Variants in ALK observed in about 807,000 individuals in gnomAD.
The protein encoded by ALK is ALK receptor tyrosine kinase, also known as ALK tyrosine kinase receptor.
A neutral mutation model predicts 163.1 loss-of-function variants in ALK; 74 were observed. The ratio of observed to expected loss-of-function variants is 0.45; its 90% CI spans 0.38 to 0.55. ALK has a LOEUF of 0.55. Among genes scored for constraint, ALK ranks in the 20% least tolerant of loss-of-function variants. ALK has a pLI of 0.00. For missense variants in ALK, 2,063 were observed against 2,105.3 expected (o/e 0.98, Z 0.39); for synonymous variants, 960 against 843.2 (o/e 1.14, Z -2.40).
At chr2:29,904,324 AC>A (rs1667484160) in intron 1 of ALK, among the ~76,000 whole-genome samples, 1 of 152,188 alleles carries the variant, frequency 6.6e-6, no homozygotes, top group Non-Finnish European at 1.5e-5. Context: ...TTTTCTGGTA[AC>A]TTTCACTCTT....
At chr2:29,407,496 C>T (rs181744336) in intron 4 of ALK, among the ~76,000 whole-genome samples, 9 of 152,324 alleles carry the variant, frequency 5.9e-5, no homozygotes, top group Admixed American at 3.3e-4. Context: ...TCACACAGCT[C>T]GTAATAGAGG....
intron 2 of ALK, among the ~76,000 whole-genome samples, chr2:29,717,294 G>A (rs1442953220): frequency 6.6e-6 from 1 of 152,064 alleles, no homozygotes; most frequent in East Asian, 1.9e-4. Context: ...ATTGATAAGG[G>A]GATGGCTGGA....
chr2:29,750,685 AAGGAAGGAAGGAAGGC>A (rs1419891497), intron 1 of ALK, among the ~76,000 whole-genome samples: 46 of 122,784 alleles, frequency 3.7e-4, no homozygotes, highest in African/African-American at 1.4e-3. Flanking sequence ...GGAAGGAAGG[AAGGAAGGAAGGAAGGC>A]AGGCAGGCAG....
At chr2:29,919,407 C>A (rs1273905585) in intron 1 of ALK, among the ~76,000 whole-genome samples, 1 of 132,760 alleles carries the variant, frequency 7.5e-6, no homozygotes, top group Non-Finnish European at 1.5e-5. Flanking sequence ...AAGGATGAGT[C>A]GAGAGTGCAT....
chr2:29,571,762 G>A (rs1257865161), intron 3 of ALK, among the ~76,000 whole-genome samples: 3 of 151,786 alleles, frequency 2.0e-5, no homozygotes, highest in South Asian at 2.1e-4. Flanking sequence ...GACTACAGGT[G>A]TGCACCACCG....
At chr2:29,521,126 G>C (rs551101383) in intron 4 of ALK, among the ~76,000 whole-genome samples, 1 of 152,298 alleles carries the variant, frequency 6.6e-6, no homozygotes, top group South Asian at 2.1e-4. Context: ...AAAGCAGCAT[G>C]GCCCACAGGT....
At chr2:29,845,063 G>T (rs1446447116) in intron 1 of ALK, among the ~76,000 whole-genome samples, 1 of 152,200 alleles carries the variant, frequency 6.6e-6, no homozygotes, top group Non-Finnish European at 1.5e-5. Flanking sequence ...GGTTATGGAT[G>T]TGAGTTTACT....
intron 13 of ALK, among the ~76,000 whole-genome samples, chr2:29,236,353 C>A (rs1664381226): frequency 6.6e-6 from 1 of 152,158 alleles, no homozygotes; most frequent in Non-Finnish European, 1.5e-5. Context: ...GTGATGCCCT[C>A]CCCTCATGAA....
chr2:29,659,869 T>C (rs768285656), intron 3 of ALK, among the ~76,000 whole-genome samples: 1 of 152,122 alleles, frequency 6.6e-6, no homozygotes, highest in Non-Finnish European at 1.5e-5. Context: ...TCTGCTGTAC[T>C]TTACCTTCTT....
intron 3 of ALK, among the ~76,000 whole-genome samples, chr2:29,637,161 A>G (rs1676558194): frequency 6.6e-6 from 1 of 152,222 alleles, no homozygotes; most frequent in African/African-American, 2.4e-5. Flanking sequence ...TTTATTCATA[A>G]TGGTCCCAAA....
At chr2:29,542,318 A>G (rs76771847) in intron 3 of ALK, among the ~76,000 whole-genome samples, 24,952 of 152,018 alleles carry the variant, frequency 0.16, 2,427 homozygotes, top group South Asian at 0.22. Context: ...TACTCCTTGA[A>G]AAAATTACTC....
chr2:29,782,560 G>C (rs1663863992), intron 1 of ALK, among the ~76,000 whole-genome samples: 1 of 152,164 alleles, frequency 6.6e-6, no homozygotes, highest in Admixed American at 6.5e-5. Flanking sequence ...GATCCCCTCT[G>C]GCGTCAGAAC....
chr2:29,888,843 T>C (rs1293702959), intron 1 of ALK, among the ~76,000 whole-genome samples: 1 of 152,230 alleles, frequency 6.6e-6, no homozygotes, highest in African/African-American at 2.4e-5. Context: ...AAAAATGTTG[T>C]TACCGTAACA....
In ALK at chr2:29,207,270, G is replaced by C. The variant is rs74716434; in HGVS notation, c.3839C>G (p.Ala1280Gly). ...DFGMARDIYR[A>G]SYYRKGGCAM... is the part of the protein sequence containing the mutation. ...ACAGCCTCCCTTTCTATAGTAGCTCGCCCTGTGGGGAAGGAGAGGAAAACC... is the reference window on the plus strand; with the variant it reads ...ACAGCCTCCCTTTCTATAGTAGCTCCCCCTGTGGGGAAGGAGAGGAAAACC... The change falls in exon 26 of 29, where the codon GCG becomes GGG. Residue 1280 changes from alanine to glycine, a missense_variant and splice_region_variant. Ala to Gly is a moderately conservative substitution (Grantham distance 60, BLOSUM62 0). This residue lies in a region of ALK where 83 missense variants were observed against 139.7 expected (regional missense o/e 0.59). Coordinates refer to ENST00000389048, the MANE Select transcript of ALK (RefSeq NM_004304.5). 1 of 1,613,720 alleles carries C rather than the reference G, an allele frequency of 6.2e-7. No homozygotes were observed. Among genetic ancestry groups the C allele is most frequent in the Non-Finnish European group, 8.5e-7 (1 of 1,179,632 alleles).
At chr2:29,398,374 C>A (rs951496731) in intron 4 of ALK, among the ~76,000 whole-genome samples, 2 of 152,100 alleles carry the variant, frequency 1.3e-5, no homozygotes, top group African/African-American at 2.4e-5. Context: ...GATAAGGGCT[C>A]GGCCATCTCC....
At chr2:29,880,386 A>G (rs1167615699) in intron 1 of ALK, among the ~76,000 whole-genome samples, 2 of 152,188 alleles carry the variant, frequency 1.3e-5, no homozygotes, top group African/African-American at 2.4e-5. Flanking sequence ...GGGGTGTATC[A>G]GAGCCCTTGG....
chr2:29,839,640 CCCT>C (rs1357947567), intron 1 of ALK, among the ~76,000 whole-genome samples: 1 of 152,160 alleles, frequency 6.6e-6, no homozygotes, highest in East Asian at 1.9e-4. Context: ...TCTCTTGCTT[CCCT>C]CCTTTGTTTG....
At chr2:29,334,270 G>C (rs1348552509) in intron 5 of ALK, among the ~76,000 whole-genome samples, 1 of 152,168 alleles carries the variant, frequency 6.6e-6, no homozygotes, top group East Asian at 1.9e-4. Flanking sequence ...GACTTGAAGG[G>C]GGAGGTGTCA....
At chr2:29,728,738 A>T (rs1410340557) in intron 1 of ALK, among the ~76,000 whole-genome samples, 1 of 152,210 alleles carries the variant, frequency 6.6e-6, no homozygotes, top group Non-Finnish European at 1.5e-5. Flanking sequence ...AGTCTCTCAG[A>T]ACGGAGCGCC....
Sources: allele counts gnomAD v4.1 joint callset (sites outside exome capture counted in the v4.1 genomes callset), GRCh38; gene constraint gnomAD v4.1.1; regional missense constraint gnomAD v4.1.1; transcripts MANE v1.5; gene names NCBI Gene and HGNC (gene_info 2026-07-23, HGNC 2026-07-21).